ZNRF1: variants seen among roughly 807,000 people sequenced by gnomAD.
ZNRF1 encodes E3 ubiquitin-protein ligase ZNRF1.
A neutral mutation model predicts 18.4 loss-of-function variants in ZNRF1; 3 were observed. The ratio of observed to expected loss-of-function variants is 0.16; its 90% CI spans 0.07 to 0.42. The LOEUF is 0.42. ZNRF1 is among the 10% of genes least tolerant of loss of function. The pLI is 0.99. For synonymous variants in ZNRF1, 157 were observed against 144.2 expected, an observed-to-expected ratio of 1.09 and a Z score of -0.64; for missense variants, 310 against 329.8, an observed-to-expected ratio of 0.94 and a Z score of 0.47.
intron 1 of ZNRF1, among the ~76,000 whole-genome samples, chr16:75,087,806 C>T (rs1217338693): frequency 6.6e-6 from 1 of 152,222 alleles, no homozygotes; most frequent in African/African-American, 2.4e-5. Flanking sequence ...CCAGCAAGCC[C>T]GAGCAAACTG....
Position 74,999,863 on chromosome 16 carries a change from C to T in ZNRF1, c.192C>T (p.Ala64=). The T allele has an allele frequency of 1.3e-6, 2 of 1,517,336 alleles. No individual in the cohort carries two copies. The highest frequency in any genetic ancestry group is 1.8e-6 in the Non-Finnish European group (2 of 1,136,600). The allele number at this position is 1,517,336 out of a possible 1,614,324, so 94.0% of individuals were successfully genotyped here. A position where few individuals can be genotyped will look rare whatever the true frequency, so the allele number is the denominator to read the frequency against. Residue 64 remains alanine, a synonymous_variant, in exon 1 of 5, where the codon GCC becomes GCT. Transcript: ENST00000335325. ...VAGMGMDPST[A]GGVPFGLYTP... ...GCATGGGCATGGACCCCAGCACGGC[C>T]GGGGGGGTGCCCTTTGGCCTCTACA...
At chr16:75,016,057 AC>A (rs1244186411) in intron 1 of ZNRF1, among the ~76,000 whole-genome samples, 1 of 149,776 alleles carries the variant, frequency 6.7e-6, no homozygotes, top group Non-Finnish European at 1.5e-5. Flanking sequence ...AGTAGCTGGG[AC>A]TACAGGCGCC....
chr16:75,075,445 C>G (rs2035927804), intron 1 of ZNRF1, among the ~76,000 whole-genome samples: 1 of 152,246 alleles, frequency 6.6e-6, no homozygotes. Context: ...GCTTCACTGT[C>G]CTACTTAACC....
intron 1 of ZNRF1, among the ~76,000 whole-genome samples, chr16:75,005,323 G>C (rs2034903883): frequency 6.6e-6 from 1 of 152,176 alleles, no homozygotes; most frequent in South Asian, 2.1e-4. Flanking sequence ...TGCTTATTGA[G>C]GTTTGAATGG....
intron 3 of ZNRF1, 119 bp downstream of exon 3, chr16:75,105,008 G>A (rs1052316982): frequency 2.0e-5 from 16 of 814,604 alleles, no homozygotes; most frequent in Non-Finnish European, 3.0e-5. Flanking sequence ...CTCTGGCTCC[G>A]AGCGGGTAAG....
chr16:75,059,200 C>T (rs1401324482), intron 1 of ZNRF1, among the ~76,000 whole-genome samples: 1 of 145,550 alleles, frequency 6.9e-6, no homozygotes, highest in Non-Finnish European at 1.5e-5. Flanking sequence ...CTTTTCTTTT[C>T]CTTTCCTTCC....
rs111236458 is a variant in ZNRF1 at position 75,027,235 on chromosome 16, C to T, written c.424+27140C>T. Among the ~76,000 whole-genome samples the T allele has an allele frequency of 4.8e-3, 729 of 152,076 alleles. 1 individual carries two copies. The highest frequency in any genetic ancestry group is 0.015 in the South Asian group (72 of 4,814). On this transcript the variant is annotated intron_variant, in intron 1 of 4. Transcript: ENST00000335325. ...GCAATGAGCTGTGATCACACCACTG[C>T]ACTCCAGCCTGGGCAACATAGCAAG...
chr16:75,068,425 G>A (rs1467030993), intron 1 of ZNRF1, among the ~76,000 whole-genome samples: 1 of 152,100 alleles, frequency 6.6e-6, no homozygotes, highest in Non-Finnish European at 1.5e-5. Context: ...GGGGGCACAA[G>A]CAGTGGAGCA....
At chr16:75,021,036 TTTTG>T (rs761838387) in intron 1 of ZNRF1, among the ~76,000 whole-genome samples, 6 of 152,182 alleles carry the variant, frequency 3.9e-5, no homozygotes, top group East Asian at 1.9e-4. Context: ...TTCTACCTTG[TTTTG>T]TTTGTTTGTT....
chr16:75,046,634 GGC>G (rs1439806629), intron 1 of ZNRF1: 1 of 151,968 alleles, frequency 6.6e-6, no homozygotes, highest in East Asian at 1.9e-4. Flanking sequence ...GGAGCACAGT[GGC>G]GCGATCTCTG....
chr16:75,100,007 T>C (rs940839851), intron 2 of ZNRF1, among the ~76,000 whole-genome samples: 1 of 152,200 alleles, frequency 6.6e-6, no homozygotes, highest in African/African-American at 2.4e-5. Context: ...TGCCTCCTGC[T>C]GTGGAAGAAT....
intron 1 of ZNRF1, 129 bp downstream of exon 1, chr16:75,000,224 TG>T: frequency 7.5e-7 from 1 of 1,330,428 alleles, no homozygotes; most frequent in Non-Finnish European, 1.0e-6. Flanking sequence ...TGGTTCCCGA[TG>T]CCAAGGGATA....
At chr16:75,078,272 C>T (rs2035966732) in intron 1 of ZNRF1, among the ~76,000 whole-genome samples, 1 of 142,100 alleles carries the variant, frequency 7.0e-6, no homozygotes, top group South Asian at 2.4e-4. Context: ...TTTTTTAATT[C>T]TCTTCCATAC....
rs1232075091 is a variant in ZNRF1 at position 75,060,856 on chromosome 16, A to C, written c.425-32716A>C. The stretch of plus-strand genomic sequence containing the variant: ...AAGGTCATCTCTATTTCTCCCCTGT[A>C]CTATGAGGGTACTGGAGTTTTGTAA... On this transcript the variant is annotated intron_variant, in intron 1 of 4. Transcript: ENST00000335325. Among the ~76,000 whole-genome samples the C allele has an allele frequency of 2.0e-5, 3 of 152,138 alleles. No individual in the cohort carries two copies. The East Asian group carries it at 5.8e-4, about 29-fold the overall frequency.
chr16:75,025,447 C>T (rs928558987), intron 1 of ZNRF1, among the ~76,000 whole-genome samples: 4 of 152,110 alleles, frequency 2.6e-5, no homozygotes, highest in African/African-American at 9.7e-5. Context: ...GCACACTTCT[C>T]CCTGACTATC....
At chr16:75,034,499 G>T (rs543935841) in intron 1 of ZNRF1, among the ~76,000 whole-genome samples, 33 of 152,248 alleles carry the variant, frequency 2.2e-4, no homozygotes, top group African/African-American at 7.5e-4. Context: ...AACACATTTT[G>T]TTTGTCCCCA....
chr16:75,047,100 T>C lies in ZNRF1; in HGVS notation c.425-46472T>C, dbSNP rs566383545. Among the ~76,000 whole-genome samples, 8 of 152,368 alleles carry C rather than the reference T, an allele frequency of 5.3e-5. No individual in the cohort carries two copies. In the East Asian group the frequency reaches 1.5e-3, roughly 29 times the overall value. ...CATTATGTTTTTGAGATGTATTCAT[T>C]ACAGATCCACCCCATTCATTTGAAC... On this transcript the variant is annotated intron_variant, in intron 1 of 4. Coordinates refer to ENST00000335325, the MANE Select transcript of ZNRF1 (RefSeq NM_032268.5).
chr16:75,024,029 C>G (rs893164857), intron 1 of ZNRF1, among the ~76,000 whole-genome samples: 1 of 151,900 alleles, frequency 6.6e-6, no homozygotes, highest in Non-Finnish European at 1.5e-5. Context: ...TGCCACCACA[C>G]CTGGCTAATT....
intron 1 of ZNRF1, among the ~76,000 whole-genome samples, chr16:75,024,345 T>C (rs1412968232): frequency 1.3e-5 from 2 of 152,228 alleles, no homozygotes; most frequent in Non-Finnish European, 2.9e-5. Context: ...GAGCCAAATA[T>C]GTTAGTTGAG....
Sources: allele counts gnomAD v4.1 joint callset (sites outside exome capture counted in the v4.1 genomes callset), GRCh38; gene constraint gnomAD v4.1.1; transcripts MANE v1.5; gene names NCBI Gene and HGNC (gene_info 2026-07-23, HGNC 2026-07-21).